JKAMP: variants seen among roughly 807,000 people sequenced by gnomAD.
The protein encoded by JKAMP is JNK1/MAPK8 associated membrane protein, also known as JNK1/MAPK8-associated membrane protein.
In JKAMP, 20 loss-of-function variants were observed where a neutral mutation model predicts 40.2. The ratio of observed to expected loss-of-function variants is 0.50; its 90% CI spans 0.35 to 0.72. The LOEUF (loss-of-function observed/expected upper bound fraction) is 0.72. JKAMP is among the 30% of genes least tolerant of loss of function. The pLI, the probability that JKAMP is intolerant of heterozygous loss-of-function variation, is 0.01. For synonymous variants in JKAMP, 138 were observed against 131.6 expected (o/e 1.05, Z -0.33); for missense variants, 276 against 373.0 (o/e 0.74, Z 2.14).
At position 59,484,544 on chromosome 14, in the gene JKAMP, A is replaced by G. The variant is rs541373397; in HGVS notation, c.-46A>G. 112 of 1,563,202 alleles carry G rather than the reference A, an allele frequency of 7.2e-5. No individual in the cohort carries two copies. In the South Asian group the frequency reaches 1.2e-3, roughly 17 times the overall value. On this transcript the variant is annotated 5_prime_UTR_variant, in exon 1 of 7. Coordinates refer to ENST00000616435, the MANE Select transcript of JKAMP (RefSeq NM_016475.5). ...GGCCCGGATGTTCGGTGCAGCTGCCAGATCCGCTGATCTAGTGCTTCTCGA... is the reference window on the plus strand; with the variant it reads ...GGCCCGGATGTTCGGTGCAGCTGCCGGATCCGCTGATCTAGTGCTTCTCGA...
At chr14:59,494,974 A>C (rs1891330732) in intron 3 of JKAMP, 44 bp from the exon 4 acceptor site, 2 of 1,390,590 alleles carry the variant, frequency 1.4e-6, no homozygotes. Flanking sequence ...AGCCATTTAA[A>C]TATTGCAATT....
At chr14:59,494,991 G>C in intron 3 of JKAMP, 27 bp from the exon 4 acceptor site, 1 of 1,545,158 alleles carries the variant, frequency 6.5e-7, no homozygotes, top group African/African-American at 1.4e-5. Context: ...AATTTTTCTA[G>C]TAATCATGCC....
chr14:59,497,319 CAAATTT>C (rs1330123274), intron 4 of JKAMP, among the ~76,000 whole-genome samples: 1 of 152,084 alleles, frequency 6.6e-6, no homozygotes, highest in Non-Finnish European at 1.5e-5. Flanking sequence ...TTTAGTTTGT[CAAATTT>C]AAACTATCCC....
chr14:59,484,686 C>T (rs1890374171), intron 1 of JKAMP, 93 bp downstream of exon 1: 2 of 1,450,818 alleles, frequency 1.4e-6, no homozygotes, highest in East Asian at 2.5e-5. Context: ...TGTAGGCGGC[C>T]TTCGGTTGGC....
At chr14:59,502,721 T>G (rs532934672) in intron 6 of JKAMP, among the ~76,000 whole-genome samples, 30 of 140,046 alleles carry the variant, frequency 2.1e-4, no homozygotes, top group Non-Finnish European at 3.8e-4. Flanking sequence ...AGAAAATAGT[T>G]GGATATTTGG....
intron 3 of JKAMP, among the ~76,000 whole-genome samples, chr14:59,488,721 A>G (rs972238424): frequency 2.6e-5 from 4 of 152,330 alleles, no homozygotes; most frequent in Admixed American, 1.3e-4. Context: ...AGTTCCTCCA[A>G]CTTCTCAGGA....
At chr14:59,496,868 A>G (rs1891490511) in intron 4 of JKAMP, among the ~76,000 whole-genome samples, 1 of 152,176 alleles carries the variant, frequency 6.6e-6, no homozygotes, top group Non-Finnish European at 1.5e-5. Context: ...ATTATGAGAT[A>G]TTATATAGTA....
chr14:59,504,579 A>G lies in JKAMP; in HGVS notation c.*507A>G, dbSNP rs1892207384. The G allele has an allele frequency of 1.3e-5, 2 of 153,064 alleles. No individual in the cohort carries two copies. Among genetic ancestry groups the G allele is most frequent in the South Asian group, 2.1e-4 (1 of 4,844 alleles). 9.5% of individuals were successfully genotyped at this position (153,064 alleles called of 1,614,324 possible). ...GTTATCTATTTATTTTCATCAATAC[A>G]GTATTTTGATGTATTGCAAAAATAG... On this transcript the variant is annotated 3_prime_UTR_variant, in exon 7 of 7. Coordinates refer to ENST00000616435, the MANE Select transcript of JKAMP (RefSeq NM_016475.5).
At chr14:59,485,109 TTTGC>T (rs1244286202) in intron 1 of JKAMP, 2 of 1,598,424 alleles carry the variant, frequency 1.3e-6, no homozygotes, top group Admixed American at 3.3e-5. Flanking sequence ...GAGCCTGGGT[TTTGC>T]TTAGTAAGTG....
At chr14:59,490,843 G>A (rs1251406616) in intron 3 of JKAMP, among the ~76,000 whole-genome samples, 1 of 152,198 alleles carries the variant, frequency 6.6e-6, no homozygotes, top group East Asian at 1.9e-4. Context: ...TCAGCCCACA[G>A]TAAAGAAGAG....
intron 4 of JKAMP, among the ~76,000 whole-genome samples, 169 bp from the exon 5 acceptor site, chr14:59,498,558 G>T (rs1052208301): frequency 3.3e-5 from 5 of 152,268 alleles, no homozygotes; most frequent in African/African-American, 1.2e-4. Context: ...ACCCTTGCTA[G>T]CCGTGTATGA....
intron 3 of JKAMP, among the ~76,000 whole-genome samples, chr14:59,488,770 TTTC>T (rs1320916265): frequency 6.6e-6 from 1 of 152,360 alleles, no homozygotes; most frequent in East Asian, 1.9e-4. Context: ...CTGCAAACTC[TTTC>T]TGCTGTCTGA....
In JKAMP at chr14:59,484,568, G is replaced by GA; in HGVS notation, c.-15dup. 1 of 1,572,188 alleles carries GA rather than the reference G, an allele frequency of 6.4e-7. No individual in the cohort carries two copies. The highest frequency in any genetic ancestry group is 8.6e-7 in the Non-Finnish European group (1 of 1,159,000). The stretch of plus-strand genomic sequence containing the variant: ...CAGATCCGCTGATCTAGTGCTTCTC[G>GA]AAAAAAACCTTCAGGCGGCCCATGG... On this transcript the variant is annotated 5_prime_UTR_variant, in exon 1 of 7. Coordinates refer to ENST00000616435, the MANE Select transcript of JKAMP (RefSeq NM_016475.5).
chr14:59,486,677 A>G, intron 1 of JKAMP, 36 bp from the exon 2 acceptor site: 1 of 1,383,442 alleles, frequency 7.2e-7, no homozygotes, highest in Non-Finnish European at 1.0e-6. Flanking sequence ...TATAATCACA[A>G]AAGATGTTAC....
chr14:59,494,701 TAACA>T (rs775834741), intron 3 of JKAMP, among the ~76,000 whole-genome samples: 53 of 152,300 alleles, frequency 3.5e-4, no homozygotes, highest in African/African-American at 9.6e-4. Flanking sequence ...CTATACTTTC[TAACA>T]AACACGTTAC....
intron 2 of JKAMP, 59 bp downstream of exon 2, chr14:59,486,863 T>G (rs1342796416): frequency 8.7e-7 from 1 of 1,148,000 alleles, no homozygotes; most frequent in Non-Finnish European, 1.3e-6. Flanking sequence ...TTTGAAATAT[T>G]TTCACATACA....
intron 3 of JKAMP, 41 bp downstream of exon 3, chr14:59,487,869 T>G (rs1270186695): frequency 6.4e-7 from 1 of 1,567,898 alleles, no homozygotes; most frequent in Non-Finnish European, 8.8e-7. Flanking sequence ...GGACTAATGT[T>G]GGAATAATTA....
At chr14:59,496,788 C>G (rs1029560133) in intron 4 of JKAMP, among the ~76,000 whole-genome samples, 1 of 152,154 alleles carries the variant, frequency 6.6e-6, no homozygotes, top group African/African-American at 2.4e-5. Context: ...CCTCAGCACC[C>G]TTACCAACAG....
chr14:59,484,645 T>G, intron 1 of JKAMP, 52 bp downstream of exon 1: 1 of 1,564,022 alleles, frequency 6.4e-7, no homozygotes, highest in Non-Finnish European at 8.7e-7. Context: ...CCGACTACTT[T>G]CCTACACGGC....
Sources: gnomAD v4.1 joint callset for allele counts (sites outside exome capture counted in the v4.1 genomes callset) on GRCh38, gnomAD v4.1.1 for gene constraint, MANE v1.5 for transcripts, NCBI Gene and HGNC (gene_info 2026-07-23, HGNC 2026-07-21) for gene names.